Variants in ZC3H12B observed in about 807,000 individuals in gnomAD.
ZC3H12B encodes probable ribonuclease ZC3H12B.
ZC3H12B carries 7 observed loss-of-function variants against 43.9 expected under a neutral mutation model. The observed-to-expected ratio is 0.16, with a 90% confidence interval of 0.09 to 0.30. The LOEUF (loss-of-function observed/expected upper bound fraction) is 0.30. Ranked by LOEUF, ZC3H12B falls within the 10% of genes least tolerant of loss-of-function variation. The pLI, the probability that ZC3H12B is intolerant of heterozygous loss-of-function variation, is 1.00. For synonymous variants in ZC3H12B, 222 were observed against 241.7 expected, an observed-to-expected ratio of 0.92 and a Z score of 0.76; for missense variants, 475 against 670.2, an observed-to-expected ratio of 0.71 and a Z score of 3.22.
At chrX:65,253,930 T>A in the ZC3H12B span, among the ~76,000 whole-genome samples, 3 of 112,223 alleles carry the variant, frequency 2.7e-5, no homozygotes, top group African/African-American at 9.7e-5. Context: ...TCCACTTTCC[T>A]GCCAGTTCAG....
At chrX:65,163,731 G>T in the ZC3H12B span, among the ~76,000 whole-genome samples, 1 of 111,602 alleles carries the variant, frequency 9.0e-6, no homozygotes, top group Non-Finnish European at 1.9e-5. Context: ...CCCGAGTGAG[G>T]CAATGCCTCG....
chrX:65,443,718 T>C (rs2067336591), intron 3 of ZC3H12B, among the ~76,000 whole-genome samples: 1 of 112,347 alleles, frequency 8.9e-6, no homozygotes, highest in Admixed American at 9.4e-5. Context: ...TTGCCCTCAT[T>C]CCTGTAAACC....
rs761502989 is a variant in ZC3H12B at position 65,496,681 on chromosome X, C to T, written c.609-451C>T. Reference sequence around the variant, plus strand: ...CAAGAAAGTAAATGTCATGGCTGGCCGCAGTGGCTTATGCTTGTAATTCTA... The same window carrying T: ...CAAGAAAGTAAATGTCATGGCTGGCTGCAGTGGCTTATGCTTGTAATTCTA... On this transcript the variant is annotated intron_variant, in intron 1 of 4. Transcript: ENST00000338957. Among the ~76,000 whole-genome samples, 8 of 111,607 alleles carry T rather than the reference C, an allele frequency of 7.2e-5. No individual in the cohort carries two copies. In the South Asian group the frequency reaches 2.2e-3, roughly 31 times the overall value.
At chrX:65,142,455 G>A in the ZC3H12B span, among the ~76,000 whole-genome samples, 1 of 112,232 alleles carries the variant, frequency 8.9e-6, no homozygotes, top group Non-Finnish European at 1.9e-5. Context: ...TCTACAGGTT[G>A]TCTGTTTACT....
the ZC3H12B span, among the ~76,000 whole-genome samples, chrX:65,300,477 G>A: frequency 9.0e-6 from 1 of 111,119 alleles, no homozygotes; most frequent in South Asian, 3.8e-4. Flanking sequence ...CTGAGAAAAA[G>A]ACCCCCATCC....
At chrX:65,041,837 C>T in the ZC3H12B span, among the ~76,000 whole-genome samples, 4 of 111,562 alleles carry the variant, frequency 3.6e-5, no homozygotes, top group Non-Finnish European at 7.5e-5. Flanking sequence ...ATTTTTGTTA[C>T]GATGCAAGAA....
At chrX:65,101,518 G>A in the ZC3H12B span, among the ~76,000 whole-genome samples, 2 of 111,531 alleles carry the variant, frequency 1.8e-5, no homozygotes, top group Non-Finnish European at 3.8e-5. Flanking sequence ...GAAGAAAAGA[G>A]AGAAGAATCA....
the ZC3H12B span, among the ~76,000 whole-genome samples, chrX:65,231,972 A>G: frequency 9.0e-6 from 1 of 111,320 alleles, no homozygotes; most frequent in Non-Finnish European, 1.9e-5. Context: ...GTGGTAGCTC[A>G]TGCCTGTAAT....
chrX:65,278,087 T>G, the ZC3H12B span, among the ~76,000 whole-genome samples: 1 of 111,801 alleles, frequency 8.9e-6, no homozygotes, highest in African/African-American at 3.2e-5. Flanking sequence ...ATCAACATTG[T>G]GTGTGATCCA....
At chrX:65,192,117 G>A in the ZC3H12B span, among the ~76,000 whole-genome samples, 1 of 109,603 alleles carries the variant, frequency 9.1e-6, no homozygotes, top group East Asian at 2.9e-4. Flanking sequence ...GGCTTTGAGT[G>A]AGATTCTTAA....
chrX:65,369,453 C>A (rs1304398367), intron 2 of ZC3H12B, among the ~76,000 whole-genome samples: 1 of 111,108 alleles, frequency 9.0e-6, no homozygotes, highest in African/African-American at 3.3e-5. Flanking sequence ...ATATCCAAAT[C>A]TCTCTGACTT....
the ZC3H12B span, among the ~76,000 whole-genome samples, chrX:65,301,934 A>G: frequency 9.0e-6 from 1 of 111,662 alleles, no homozygotes; most frequent in Non-Finnish European, 1.9e-5. Context: ...TCATATACAT[A>G]GCTTTAAACG....
At chrX:65,250,458 G>T in the ZC3H12B span, among the ~76,000 whole-genome samples, 1 of 111,609 alleles carries the variant, frequency 9.0e-6, no homozygotes, top group African/African-American at 3.3e-5. Context: ...ACTCAATAAT[G>T]GGATGTCTGG....
At chrX:65,377,955 C>A (rs1005136397) in intron 2 of ZC3H12B, among the ~76,000 whole-genome samples, 1 of 110,262 alleles carries the variant, frequency 9.1e-6, no homozygotes, top group Non-Finnish European at 1.9e-5. Flanking sequence ...AAAAATTAAC[C>A]GGGCATGGTG....
chrX:65,175,074 A>G, the ZC3H12B span, among the ~76,000 whole-genome samples: 1 of 112,180 alleles, frequency 8.9e-6, no homozygotes, highest in Non-Finnish European at 1.9e-5. Flanking sequence ...ACTGTGGGAA[A>G]AGCACAGTAT....
the ZC3H12B span, among the ~76,000 whole-genome samples, chrX:65,104,312 A>T: frequency 8.9e-6 from 1 of 112,225 alleles, no homozygotes. Context: ...TGAAAACCCT[A>T]GAAGAAAATC....
intron 3 of ZC3H12B, among the ~76,000 whole-genome samples, chrX:65,437,247 C>T (rs1034621396): frequency 9.0e-6 from 1 of 111,622 alleles, no homozygotes; most frequent in Non-Finnish European, 1.9e-5. Context: ...CCACCACATC[C>T]AACTCATTCT....
chrX:65,228,958 C>G, the ZC3H12B span, among the ~76,000 whole-genome samples: 1 of 111,783 alleles, frequency 8.9e-6, no homozygotes, highest in Non-Finnish European at 1.9e-5. Flanking sequence ...GCCATACTGC[C>G]TAAGGTAATT....
the ZC3H12B span, among the ~76,000 whole-genome samples, chrX:65,101,854 A>C: frequency 1.8e-5 from 2 of 112,451 alleles, no homozygotes; most frequent in Non-Finnish European, 3.8e-5. Context: ...ATCAATAGAA[A>C]AAGAGGGACT....
Sources: gnomAD v4.1 joint callset for allele counts (sites outside exome capture counted in the v4.1 genomes callset) on GRCh38, gnomAD v4.1.1 for gene constraint, MANE v1.5 for transcripts, NCBI Gene and HGNC (gene_info 2026-07-23, HGNC 2026-07-21) for gene names.